PDE1C: variants seen among roughly 807,000 people sequenced by gnomAD.
PDE1C encodes the protein phosphodiesterase 1C, also known as dual specificity calcium/calmodulin-dependent 3',5'-cyclic nucleotide phosphodiesterase 1C.
In PDE1C, 62 loss-of-function variants were observed where a neutral mutation model predicts 93.1. The observed-to-expected ratio is 0.67, with a 90% CI of 0.54 to 0.82. PDE1C has a LOEUF of 0.82. PDE1C is among the 40% of genes least tolerant of loss of function. The pLI is 0.00. For synonymous variants in PDE1C, 325 were observed against 310.1 expected, an observed-to-expected ratio of 1.05 and a Z score of -0.50; for missense variants, 742 against 884.6, an observed-to-expected ratio of 0.84 and a Z score of 2.04.
intron 1 of PDE1C, among the ~76,000 whole-genome samples, chr7:32,065,671 CTAAT>C (rs763228285): frequency 5.9e-5 from 9 of 152,164 alleles, no homozygotes; most frequent in Non-Finnish European, 1.2e-4. Context: ...TGCCTGAACA[CTAAT>C]TATATCATTT....
At chr7:32,163,169 A>G (rs547745766) in intron 3 of PDE1C, among the ~76,000 whole-genome samples, 2 of 152,346 alleles carry the variant, frequency 1.3e-5, no homozygotes, top group African/African-American at 4.8e-5. Flanking sequence ...AGCAACACTC[A>G]GTAATAGAAA....
intron 11 of PDE1C, among the ~76,000 whole-genome samples, chr7:31,833,127 G>A (rs1193278600): frequency 6.6e-6 from 1 of 152,166 alleles, no homozygotes; most frequent in Non-Finnish European, 1.5e-5. Context: ...CATGAGATCT[G>A]ATGGTTTTAC....
At chr7:31,897,536 C>T (rs1799460540) in intron 2 of PDE1C, among the ~76,000 whole-genome samples, 1 of 152,184 alleles carries the variant, frequency 6.6e-6, no homozygotes, top group South Asian at 2.1e-4. Flanking sequence ...TAAACAGGCT[C>T]AGATAATTTG....
intron 1 of PDE1C, among the ~76,000 whole-genome samples, chr7:32,384,944 T>C (rs1784596641): frequency 6.6e-6 from 1 of 152,144 alleles, no homozygotes. Flanking sequence ...GTAGTCACCC[T>C]AGCTAGTTTG....
chr7:32,319,579 A>G (rs1165321466), intron 1 of PDE1C, among the ~76,000 whole-genome samples: 1 of 152,178 alleles, frequency 6.6e-6, no homozygotes, highest in African/African-American at 2.4e-5. Flanking sequence ...AGTAGGCCAA[A>G]CTCTGCTATA....
chr7:31,765,486 C>A (rs1049306759), intron 17 of PDE1C, among the ~76,000 whole-genome samples: 2 of 152,130 alleles, frequency 1.3e-5, no homozygotes, highest in African/African-American at 4.8e-5. Flanking sequence ...TGTGCATTTT[C>A]CCACTTGTGC....
intron 2 of PDE1C, among the ~76,000 whole-genome samples, chr7:31,947,231 A>G (rs1806740305): frequency 6.6e-6 from 1 of 152,188 alleles, no homozygotes; most frequent in Non-Finnish European, 1.5e-5. Context: ...TGGATTGGGT[A>G]CAAAGACTGA....
At chr7:31,941,789 A>C (rs1349618430) in intron 2 of PDE1C, among the ~76,000 whole-genome samples, 2 of 152,154 alleles carry the variant, frequency 1.3e-5, no homozygotes, top group South Asian at 2.1e-4. Context: ...CCTTCTTAAG[A>C]CAAAGAGTTT....
At chr7:32,013,849 A>G (rs1447236256) in intron 2 of PDE1C, among the ~76,000 whole-genome samples, 3 of 152,226 alleles carry the variant, frequency 2.0e-5, no homozygotes, top group African/African-American at 7.2e-5. Context: ...GATGGGAGGA[A>G]AGTCTCTTTG....
At chr7:31,845,107 C>G (rs986776832) in intron 9 of PDE1C, among the ~76,000 whole-genome samples, 1 of 152,106 alleles carries the variant, frequency 6.6e-6, no homozygotes, top group East Asian at 1.9e-4. Context: ...TATAACACAG[C>G]TCCATTAGTG....
intron 1 of PDE1C, among the ~76,000 whole-genome samples, chr7:32,393,590 G>C (rs973276620): frequency 6.6e-6 from 1 of 152,112 alleles, no homozygotes; most frequent in African/African-American, 2.4e-5. Context: ...GGATGGATCA[G>C]TCATCCTATT....
chr7:32,005,005 G>A (rs1465093212), intron 2 of PDE1C, among the ~76,000 whole-genome samples: 2 of 152,128 alleles, frequency 1.3e-5, no homozygotes, highest in Non-Finnish European at 2.9e-5. Flanking sequence ...TCCTATGGAG[G>A]ATGAAATGGA....
At chr7:32,018,659 T>C (rs1330947996) in intron 2 of PDE1C, among the ~76,000 whole-genome samples, 3 of 152,146 alleles carry the variant, frequency 2.0e-5, no homozygotes, top group Non-Finnish European at 2.9e-5. Flanking sequence ...TGTAGAGTTA[T>C]GGGAGAGTAG....
At position 32,086,036 on chromosome 7, in the gene PDE1C, T is replaced by C. The variant is rs1036308442; in HGVS notation, c.308+83749A>G. Among the ~76,000 whole-genome samples the C allele has an allele frequency of 7.2e-5, 11 of 151,862 alleles. No individual in the cohort carries two copies. In the East Asian group the frequency reaches 1.5e-3, roughly 21 times the overall value. On this transcript the variant is annotated intron_variant, in intron 3 of 18. Transcript: ENST00000396193. ...AGGCAGGAGAAGGAAATAAAGGGTATTCAATTAGGAAAAGAGGAAGTCAAA... is the reference window on the plus strand; with the variant it reads ...AGGCAGGAGAAGGAAATAAAGGGTACTCAATTAGGAAAAGAGGAAGTCAAA...
chr7:32,376,719 A>G (rs191952), intron 1 of PDE1C, among the ~76,000 whole-genome samples: 125,212 of 152,038 alleles, frequency 0.82, 53,136 homozygotes, highest in East Asian at 1. Flanking sequence ...ACCAAGTCTC[A>G]CTCTGTCGTC....
chr7:32,186,087 G>GTTTTTTT (rs10561469), intron 2 of PDE1C, among the ~76,000 whole-genome samples: 7 of 128,566 alleles, frequency 5.4e-5, no homozygotes, highest in Admixed American at 7.8e-5. Flanking sequence ...TTGTTTTTTT[G>GTTTTTTT]TTTTTTTTTT....
intron 1 of PDE1C, among the ~76,000 whole-genome samples, chr7:32,344,084 T>A (rs1171363310): frequency 6.6e-6 from 1 of 152,242 alleles, no homozygotes; most frequent in African/African-American, 2.4e-5. Context: ...TTTATTTATT[T>A]GTTTTTAGAG....
chr7:31,927,044 C>A (rs1366715964), intron 2 of PDE1C, among the ~76,000 whole-genome samples: 1 of 152,170 alleles, frequency 6.6e-6, no homozygotes, highest in Admixed American at 6.5e-5. Context: ...TGAAGCCCAG[C>A]AAGCTAAGAA....
At chr7:31,669,897 C>A in the PDE1C span, among the ~76,000 whole-genome samples, 1 of 152,058 alleles carries the variant, frequency 6.6e-6, no homozygotes, top group Non-Finnish European at 1.5e-5. Context: ...TAACCCCTAC[C>A]CTTTGAGTTT....
Sources: allele counts gnomAD v4.1 joint callset (sites outside exome capture counted in the v4.1 genomes callset), GRCh38; gene constraint gnomAD v4.1.1; transcripts MANE v1.5; gene names NCBI Gene and HGNC (gene_info 2026-07-23, HGNC 2026-07-21).